The following PCDHA3 variants were observed in gnomAD, a reference collection of about 807,000 sequenced individuals.
PCDHA3 encodes protocadherin alpha-3.
A neutral mutation model predicts 62.2 loss-of-function variants in PCDHA3; 41 were observed. The observed-to-expected ratio is 0.66, with a 90% confidence interval of 0.51 to 0.86. The LOEUF is 0.86. Ranked by LOEUF, PCDHA3 falls within the 40% of genes least tolerant of loss-of-function variation. The pLI, the probability that PCDHA3 is intolerant of heterozygous loss-of-function variation, is 0.00. For synonymous variants in PCDHA3, 640 were observed against 555.4 expected, an observed-to-expected ratio of 1.15 and a Z score of -2.14; for missense variants, 1,304 against 1,241.2, an observed-to-expected ratio of 1.05 and a Z score of -0.76.
chr5:140,821,089 A>T (rs936159198), intron 1 of PCDHA3, among the ~76,000 whole-genome samples: 1 of 152,184 alleles, frequency 6.6e-6, no homozygotes, highest in Non-Finnish European at 1.5e-5. Flanking sequence ...TGAAAATAAC[A>T]TCAACAAAAT....
At chr5:140,830,386 C>G (rs1771037269) in intron 1 of PCDHA3, 10 of 1,614,032 alleles carry the variant, frequency 6.2e-6, no homozygotes, top group Non-Finnish European at 8.5e-6. Flanking sequence ...AGGGCCCACC[C>G]AAGATGGATC....
At chr5:140,967,730 G>A (rs2096176474) in intron 1 of PCDHA3, 1 of 1,614,146 alleles carries the variant, frequency 6.2e-7, no homozygotes, top group Non-Finnish European at 8.5e-7. Context: ...AGTAATTGGG[G>A]GGCTGGATTA....
intron 1 of PCDHA3, chr5:140,930,101 G>A (rs782338185): frequency 9.2e-5 from 14 of 152,094 alleles, no homozygotes; most frequent in Non-Finnish European, 1.6e-4. Context: ...TATACTGATA[G>A]GAGATCATAT....
chr5:140,841,292 A>C, intron 1 of PCDHA3: 1 of 1,561,784 alleles, frequency 6.4e-7, no homozygotes, highest in Non-Finnish European at 8.6e-7. Flanking sequence ...TATTAAGATA[A>C]TATTTTCTGA....
At chr5:140,886,631 G>T (rs1314948402) in intron 1 of PCDHA3, among the ~76,000 whole-genome samples, 1 of 151,860 alleles carries the variant, frequency 6.6e-6, no homozygotes. Context: ...TCCGAGACCA[G>T]CCTGGCCAAC....
At chr5:140,966,679 G>A (rs1554228549) in intron 1 of PCDHA3, 1 of 1,317,562 alleles carries the variant, frequency 7.6e-7, no homozygotes, top group Non-Finnish European at 9.8e-7. Flanking sequence ...AGGGTGGCAC[G>A]AGCGGAGGCG....
At chr5:140,992,862 G>A (rs2097531583) in intron 3 of PCDHA3, among the ~76,000 whole-genome samples, 2 of 152,084 alleles carry the variant, frequency 1.3e-5, no homozygotes, top group Non-Finnish European at 2.9e-5. Context: ...TTTCACTCTA[G>A]CTCCCTCCTT....
At chr5:140,850,051 C>A in intron 1 of PCDHA3, 1 of 1,596,418 alleles carries the variant, frequency 6.3e-7, no homozygotes, top group Non-Finnish European at 8.6e-7. Flanking sequence ...AAGGTGTACG[C>A]GCTGCAGCCG....
At chr5:140,884,354 G>A (rs2060118274) in intron 1 of PCDHA3, 1 of 1,613,952 alleles carries the variant, frequency 6.2e-7, no homozygotes, top group African/African-American at 1.3e-5. Context: ...GCTGGTGGAT[G>A]TCAATGTTTA....
rs1554181471 is a variant in PCDHA3, at chr5:140,884,352, A to G, written c.2394+80761A>G. ...GTGGGTCCAGAAGCGGCGCTGGTGG[A>G]TGTCAATGTTTACTTGATCATTGCC... is the stretch of plus-strand genomic sequence containing the variant. On this transcript the variant is annotated intron_variant, in intron 1 of 3. Transcript: ENST00000522353. The G allele has an allele frequency of 2.5e-6, 4 of 1,613,710 alleles. No individual in the cohort carries two copies. The Admixed American group carries it at 5.0e-5, about 20-fold the overall frequency.
At chr5:140,968,683 A>G (rs782664501) in intron 1 of PCDHA3, 7 of 1,614,164 alleles carry the variant, frequency 4.3e-6, no homozygotes. Flanking sequence ...AGCTGCACAC[A>G]GGAGAAATTA....
chr5:140,830,775 AT>A (rs1201175908), intron 1 of PCDHA3: 4 of 167,194 alleles, frequency 2.4e-5, no homozygotes, highest in East Asian at 1.6e-4. Context: ...TCATAGTAGC[AT>A]TTTTTTCTGA....
chr5:140,886,097 A>C (rs1341108712), intron 1 of PCDHA3, among the ~76,000 whole-genome samples: 1 of 152,214 alleles, frequency 6.6e-6, no homozygotes, highest in Admixed American at 6.5e-5. Context: ...ATTGACATTG[A>C]TACAGTAAAG....
chr5:140,857,702 G>A, intron 1 of PCDHA3: 2 of 1,597,414 alleles, frequency 1.3e-6, no homozygotes, highest in East Asian at 2.2e-5. Flanking sequence ...GACGCTGCAG[G>A]TGTTCGTGCT....
At chr5:140,876,906 G>C (rs782762108) in intron 1 of PCDHA3, 10 of 1,613,910 alleles carry the variant, frequency 6.2e-6, no homozygotes, top group Middle Eastern at 3.3e-4. Flanking sequence ...TCACGGTGTC[G>C]GCATGGGACG....
At chr5:140,912,010 G>A (rs1208180595) in intron 1 of PCDHA3, among the ~76,000 whole-genome samples, 1 of 152,202 alleles carries the variant, frequency 6.6e-6, no homozygotes. Flanking sequence ...CCATCTGCAA[G>A]CTGAGGAGCA....
chr5:140,874,040 T>G (rs1303509988), intron 1 of PCDHA3, among the ~76,000 whole-genome samples: 7 of 152,220 alleles, frequency 4.6e-5, no homozygotes, highest in Admixed American at 4.6e-4. Flanking sequence ...AGAAACTTGG[T>G]GATGATATTA....
At chr5:140,861,501 C>A in intron 1 of PCDHA3, 1 of 480,612 alleles carries the variant, frequency 2.1e-6, no homozygotes, top group South Asian at 1.6e-5. Flanking sequence ...TCTGATAGAC[C>A]TCGAGGAGCT....
chr5:140,882,189 T>A, intron 1 of PCDHA3: 6 of 1,519,304 alleles, frequency 3.9e-6, no homozygotes, highest in Non-Finnish European at 5.3e-6. Context: ...TAGGAAGCCA[T>A]AAAAATTGGG....
Sources: allele counts gnomAD v4.1 joint callset (sites outside exome capture counted in the v4.1 genomes callset), GRCh38; gene constraint gnomAD v4.1.1; transcripts MANE v1.5; gene names NCBI Gene and HGNC (gene_info 2026-07-23, HGNC 2026-07-21).